MTHFD1L: variants seen among roughly 807,000 people sequenced by gnomAD.
MTHFD1L encodes monofunctional C1-tetrahydrofolate synthase, mitochondrial.
In MTHFD1L, 81 loss-of-function variants were observed where a neutral mutation model predicts 119.5. The observed-to-expected ratio is 0.68, with a 90% CI of 0.57 to 0.82. The LOEUF (loss-of-function observed/expected upper bound fraction) is 0.82. Ranked by LOEUF, MTHFD1L falls within the 40% of genes least tolerant of loss-of-function variation. The pLI, the probability that MTHFD1L is intolerant of heterozygous loss-of-function variation, is 0.00. For missense variants in MTHFD1L, 1,125 were observed against 1,253.4 expected (o/e 0.90, Z 1.55); for synonymous variants, 430 against 475.2 (o/e 0.90, Z 1.24).
Position 150,886,435 on chromosome 6 carries a change from C to CAA in MTHFD1L, c.643+723_643+724dup, listed in dbSNP as rs996165446. Among the ~76,000 whole-genome samples, 146 of 69,168 alleles carry CAA rather than the reference C, an allele frequency of 2.1e-3. 1 individual carries two copies. The highest frequency in any genetic ancestry group is 4.1e-3 in the African/African-American group (80 of 19,370). 45.4% of individuals were successfully genotyped at this position (69,168 alleles called of 152,430 possible). A position where few individuals can be genotyped will look rare whatever the true frequency, so the allele number is the denominator to read the frequency against. On this transcript the variant is annotated intron_variant, in intron 6 of 27. Coordinates refer to ENST00000367321, the MANE Select transcript of MTHFD1L (RefSeq NM_015440.5). ...TGGGCAATATAGCAAGACCCTGCCTCAAAAAAAAAAAAAAAAAAAAAAAGA... is the reference window on the plus strand; with the variant it reads ...TGGGCAATATAGCAAGACCCTGCCTCAAAAAAAAAAAAAAAAAAAAAAAAAGA...
chr6:150,979,744 C>G (rs538799437), intron 20 of MTHFD1L, among the ~76,000 whole-genome samples: 1 of 152,224 alleles, frequency 6.6e-6, no homozygotes, highest in African/African-American at 2.4e-5. Flanking sequence ...AGGCGATCCA[C>G]TCACCCCTGC....
intron 24 of MTHFD1L, among the ~76,000 whole-genome samples, chr6:151,019,262 A>C (rs372217246): frequency 4.9e-5 from 5 of 102,958 alleles, no homozygotes; most frequent in African/African-American, 1.4e-4. Flanking sequence ...CTGATCATGA[A>C]CCACCCCACT....
At chr6:150,925,961 C>T (rs1020665687) in intron 10 of MTHFD1L, among the ~76,000 whole-genome samples, 161 bp from the exon 11 acceptor site, 5 of 152,102 alleles carry the variant, frequency 3.3e-5, no homozygotes, top group Non-Finnish European at 7.3e-5. Context: ...TTCTCATACA[C>T]GTTAATTATT....
intron 15 of MTHFD1L, 68 bp downstream of exon 15, chr6:150,945,609 G>A: frequency 6.7e-7 from 1 of 1,489,758 alleles, no homozygotes; most frequent in Non-Finnish European, 9.3e-7. Context: ...GATTGTCAAA[G>A]CCTGAAATTT....
chr6:150,937,639 T>C (rs1467404064), intron 12 of MTHFD1L, among the ~76,000 whole-genome samples: 1 of 152,204 alleles, frequency 6.6e-6, no homozygotes, highest in Admixed American at 6.5e-5. Context: ...TGTAGTGGAA[T>C]GAACACTAGG....
At chr6:150,999,835 T>C (rs994930694) in intron 20 of MTHFD1L, among the ~76,000 whole-genome samples, 3 of 152,176 alleles carry the variant, frequency 2.0e-5, no homozygotes, top group African/African-American at 7.2e-5. Flanking sequence ...CTAAGTGGTA[T>C]TGGTATTTTC....
At chr6:151,041,933 A>T in intron 26 of MTHFD1L, 1 of 404,564 alleles carries the variant, frequency 2.5e-6, no homozygotes, top group Non-Finnish European at 5.0e-6. Context: ...CTAAATATTT[A>T]CTTTTACTTT....
intron 20 of MTHFD1L, among the ~76,000 whole-genome samples, chr6:150,978,313 G>A (rs999139793): frequency 3.9e-5 from 6 of 152,050 alleles, no homozygotes; most frequent in Admixed American, 2.0e-4. Flanking sequence ...CTCTACTTTT[G>A]ACGGTAGCTT....
At chr6:150,870,234 T>G (rs1779167850) in intron 1 of MTHFD1L, among the ~76,000 whole-genome samples, 1 of 152,242 alleles carries the variant, frequency 6.6e-6, no homozygotes. Flanking sequence ...GCCATTTTTC[T>G]GCCCCAAGGA....
At chr6:150,881,947 C>T (rs967771072) in intron 4 of MTHFD1L, among the ~76,000 whole-genome samples, 7 of 152,166 alleles carry the variant, frequency 4.6e-5, no homozygotes, top group African/African-American at 1.2e-4. Flanking sequence ...GTAAACCAAC[C>T]CTTCCCCAGA....
chr6:150,999,495 G>C (rs1409006877), intron 20 of MTHFD1L, among the ~76,000 whole-genome samples: 4 of 152,174 alleles, frequency 2.6e-5, no homozygotes, highest in Admixed American at 1.3e-4. Flanking sequence ...TCTGGTCATA[G>C]TCATGGCACT....
At chr6:150,885,233 G>A (rs1782042652) in intron 5 of MTHFD1L, among the ~76,000 whole-genome samples, 1 of 133,860 alleles carries the variant, frequency 7.5e-6, no homozygotes, top group African/African-American at 2.9e-5. Flanking sequence ...GTCTCGCTCT[G>A]TTGCCCAGGC....
chr6:151,044,717 T>C (rs538546053), intron 26 of MTHFD1L, among the ~76,000 whole-genome samples: 1 of 152,216 alleles, frequency 6.6e-6, no homozygotes, highest in East Asian at 1.9e-4. Flanking sequence ...TGGGTTGGCC[T>C]TTGTCCCCAC....
At chr6:150,897,852 A>AG (rs1460027458) in intron 7 of MTHFD1L, among the ~76,000 whole-genome samples, 1 of 152,092 alleles carries the variant, frequency 6.6e-6, no homozygotes, top group Non-Finnish European at 1.5e-5. Context: ...TTTAAAAAAA[A>AG]AATTTTTTTG....
At chr6:151,066,744 A>G (rs1414811053) in intron 26 of MTHFD1L, among the ~76,000 whole-genome samples, 2 of 151,468 alleles carry the variant, frequency 1.3e-5, no homozygotes, top group East Asian at 4.0e-4. Context: ...CAGCCTGGGC[A>G]ATAGAGCAAA....
intron 18 of MTHFD1L, among the ~76,000 whole-genome samples, chr6:150,961,227 G>A (rs1055506117): frequency 2.0e-5 from 3 of 151,808 alleles, no homozygotes; most frequent in African/African-American, 7.3e-5. Flanking sequence ...CTGAGTAGCT[G>A]AGATTACAGG....
chr6:151,061,109 G>C (rs927855050), intron 26 of MTHFD1L, among the ~76,000 whole-genome samples: 3 of 152,158 alleles, frequency 2.0e-5, no homozygotes, highest in Non-Finnish European at 4.4e-5. Flanking sequence ...CATTTGTTTA[G>C]ATAAGCAATA....
At chr6:151,055,300 A>G (rs1225676765) in intron 26 of MTHFD1L, among the ~76,000 whole-genome samples, 1 of 151,938 alleles carries the variant, frequency 6.6e-6, no homozygotes, top group Non-Finnish European at 1.5e-5. Context: ...ACATTTATTG[A>G]GCACTTACTA....
chr6:150,986,103 T>C (rs1358049565), intron 20 of MTHFD1L, among the ~76,000 whole-genome samples: 3 of 152,060 alleles, frequency 2.0e-5, no homozygotes, highest in African/African-American at 7.2e-5. Context: ...TATTGAAAAA[T>C]GGAGTAGCTA....
Sources: allele counts gnomAD v4.1 joint callset (sites outside exome capture counted in the v4.1 genomes callset), GRCh38; gene constraint gnomAD v4.1.1; transcripts MANE v1.5; gene names NCBI Gene and HGNC (gene_info 2026-07-23, HGNC 2026-07-21).